NPC1: variants seen among roughly 807,000 people sequenced by gnomAD.
NPC1 encodes Niemann-Pick C1 protein.
NPC1 carries 85 observed loss-of-function variants against 140.4 expected under a neutral mutation model. The observed-to-expected ratio is 0.61, with a 90% CI of 0.51 to 0.72. The LOEUF (loss-of-function observed/expected upper bound fraction) is 0.72. Ranked by LOEUF, NPC1 falls within the 30% of genes least tolerant of loss-of-function variation. The pLI is 0.00. For missense variants in NPC1, 1,504 were observed against 1,623.8 expected (o/e 0.93, Z 1.27); for synonymous variants, 656 against 624.8 (o/e 1.05, Z -0.74).
At chr18:23,550,751 G>T (rs2058860534) in intron 10 of NPC1, among the ~76,000 whole-genome samples, 1 of 152,078 alleles carries the variant, frequency 6.6e-6, no homozygotes, top group East Asian at 1.9e-4. Context: ...CTCCGAAAGT[G>T]CTGGGATTAC....
intron 3 of NPC1, among the ~76,000 whole-genome samples, chr18:23,507,253 TTTAAA>T (rs1327068074): frequency 2.0e-5 from 3 of 152,186 alleles, no homozygotes; most frequent in East Asian, 1.9e-4. Flanking sequence ...TAGTTTGATT[TTTAAA>T]TTAAATTAAA....
At chr18:23,578,824 A>G (rs1159243222) in intron 1 of NPC1, among the ~76,000 whole-genome samples, 2 of 152,214 alleles carry the variant, frequency 1.3e-5, no homozygotes, top group East Asian at 1.9e-4. Context: ...CAGAGTTTCA[A>G]ATGAAAATCT....
At chr18:23,533,299 T>C (rs903150875) in intron 24 of NPC1, 56 bp downstream of exon 24, 5 of 1,500,250 alleles carry the variant, frequency 3.3e-6, no homozygotes, top group Admixed American at 1.7e-5. Flanking sequence ...CAGGATAGAA[T>C]TCCCTTTCAG....
At chr18:23,513,011 T>C (rs2057904124) in intron 3 of NPC1, among the ~76,000 whole-genome samples, 1 of 152,142 alleles carries the variant, frequency 6.6e-6, no homozygotes, top group Non-Finnish European at 1.5e-5. Context: ...TGGAGTGCAG[T>C]GGCGTGATCT....
At position 23,560,423 on chromosome 18, in the gene NPC1, G is replaced by A. The variant is rs1356837901; in HGVS notation, c.689C>T (p.Ser230Phe). The A allele has an allele frequency of 6.2e-7, 1 of 1,613,910 alleles. No homozygotes were observed. The highest frequency in any genetic ancestry group is 1.3e-5 in the African/African-American group (1 of 74,934). Residue 230 changes from serine to phenylalanine, a missense_variant, in exon 6 of 25, where the codon TCT becomes TTT. Transcript: ENST00000269228. ...ACATGGTGCTGTGACCTCATCCACAGACTCGTCACAGCCTTTGGTGGCATT... is the reference window on the plus strand; with the variant it reads ...ACATGGTGCTGTGACCTCATCCACAAACTCGTCACAGCCTTTGGTGGCATT... ...MNNATKGCDESVDEVTAPCSC... is the reference protein window; with the variant it reads ...MNNATKGCDEFVDEVTAPCSC...
chr18:23,537,633 T>C (rs2058651432), intron 20 of NPC1, among the ~76,000 whole-genome samples: 1 of 152,128 alleles, frequency 6.6e-6, no homozygotes, highest in Non-Finnish European at 1.5e-5. Flanking sequence ...GGCTGCGTGA[T>C]GAGAAATGGA....
At position 23,531,669 on chromosome 18, in the gene NPC1, G is replaced by GGA; in HGVS notation, c.*531_*532dup. On this transcript the variant is annotated 3_prime_UTR_variant, in exon 25 of 25. Transcript: ENST00000269228. ...TGTTGCTTTTTTCAAACAGATTTTT[G>GGA]GAGACCAAGCTCTAATGAGGCCTAC... The GGA allele has an allele frequency of 6.2e-7, 1 of 1,613,282 alleles. No homozygotes were observed. The highest frequency in any genetic ancestry group is 8.5e-7 in the Non-Finnish European group (1 of 1,179,866).
At position 23,535,585 on chromosome 18, in the gene NPC1, G is replaced by T. The variant is rs763005889; in HGVS notation, c.3361C>A (p.Leu1121Ile). 1.9e-6 allele frequency: 3 copies of T among 1,614,120 alleles called. No homozygotes were observed. The East Asian group carries it at 6.7e-5, about 36-fold the overall frequency. Residue 1121 changes from leucine to isoleucine, a missense_variant, in exon 22 of 25, where the codon CTC becomes ATC. By Grantham distance (5) the Leu-to-Ile change is conservative. Coordinates refer to ENST00000269228, the MANE Select transcript of NPC1 (RefSeq NM_000271.5). ...LVTMVLLGCE[L>I]WSAVIMCATI... Reference sequence around the variant, plus strand: ...GCACACATGATGACTGCAGACCAGAGCTCACAGCCCAGGAGGACCATGGTC... The same window carrying T: ...GCACACATGATGACTGCAGACCAGATCTCACAGCCCAGGAGGACCATGGTC...
intron 11 of NPC1, among the ~76,000 whole-genome samples, chr18:23,546,060 C>A (rs113968564): frequency 0.014 from 2,056 of 151,906 alleles, 31 homozygotes; most frequent in African/African-American, 0.048. Context: ...ACTAGCCTGG[C>A]CAACATGGTG....
In NPC1 at chr18:23,532,165, C is replaced by G. The variant is rs2058532399; in HGVS notation, c.*37G>C. ...CCGTCCAGTGGTAAACCGACCGACC[C>G]TTAGACACAGTTCAGTCAGGATGCC... On this transcript the variant is annotated 3_prime_UTR_variant, in exon 25 of 25. Coordinates refer to ENST00000269228, the MANE Select transcript of NPC1 (RefSeq NM_000271.5). The G allele has an allele frequency of 6.2e-7, 1 of 1,613,984 alleles. No homozygotes were observed. The highest frequency in any genetic ancestry group is 1.7e-5 in the Admixed American group (1 of 59,986).
chr18:23,508,030 C>T, intron 3 of NPC1: 1 of 1,610,704 alleles, frequency 6.2e-7, no homozygotes, highest in African/African-American at 1.3e-5. Context: ...GGAATACACA[C>T]AGGAGTGCAA....
At chr18:23,527,489 A>G (rs902072540), downstream of NPC1, among the ~76,000 whole-genome samples, 1 of 151,358 alleles carries the variant, frequency 6.6e-6, no homozygotes, top group Non-Finnish European at 1.5e-5. Context: ...CTTGTTGCCC[A>G]GGCTGGTCTC....
Position 23,543,454 on chromosome 18 carries a change from C to T in NPC1, c.2245+1G>A. ...ACTGGTAGGATTGAAAGCATAATTA[C>T]CTAAGAAAAATGCTACAGTCTCAGA... On this transcript the variant is annotated splice_donor_variant, in intron 14 of 24. Coordinates refer to ENST00000269228, the MANE Select transcript of NPC1 (RefSeq NM_000271.5). LOFTEE classifies it high-confidence loss of function. 1.3e-6 allele frequency: 2 copies of T among 1,566,988 alleles called. No homozygotes were observed. Among genetic ancestry groups the T allele is most frequent in the Middle Eastern group, 1.7e-4 (1 of 5,994 alleles).
At chr18:23,585,729 CTG>C (rs2059410225) in intron 1 of NPC1, among the ~76,000 whole-genome samples, 1 of 152,182 alleles carries the variant, frequency 6.6e-6, no homozygotes, top group African/African-American at 2.4e-5. Flanking sequence ...CAATACCGCC[CTG>C]TGAGTCTCAG....
intron 1 of NPC1, among the ~76,000 whole-genome samples, chr18:23,577,896 G>C (rs568666480): frequency 8.5e-5 from 13 of 152,232 alleles, no homozygotes; most frequent in Non-Finnish European, 1.9e-4. Context: ...CCATTGCCCG[G>C]GGCCAGCAGG....
intron 1 of NPC1, among the ~76,000 whole-genome samples, chr18:23,577,677 G>A (rs956653237): frequency 3.3e-5 from 5 of 152,214 alleles, no homozygotes; most frequent in Non-Finnish European, 7.3e-5. Flanking sequence ...CCGTGGAGCA[G>A]GGGGTGGCGC....
chr18:23,519,144 C>T (rs758649987), downstream of NPC1: 3 of 1,614,122 alleles, frequency 1.9e-6, no homozygotes, highest in South Asian at 3.3e-5. Context: ...TGGTGGACAA[C>T]CTGGTAGTCG....
At chr18:23,522,801 T>C (rs2058177835) in exon 2 of NPC1, 1 of 152,352 alleles carries the variant, frequency 6.6e-6, no homozygotes, top group South Asian at 2.1e-4. Flanking sequence ...GGTTAGTGAC[T>C]CTCCTTTTGT....
intron 4 of NPC1, among the ~76,000 whole-genome samples, chr18:23,566,570 C>T (rs1463289101): frequency 8.7e-6 from 1 of 114,864 alleles, no homozygotes; most frequent in African/African-American, 3.9e-5. Context: ...CACAGTGAGG[C>T]CCGTCTCTTC....
Sources: allele counts gnomAD v4.1 joint callset (sites outside exome capture counted in the v4.1 genomes callset), GRCh38; gene constraint gnomAD v4.1.1; transcripts MANE v1.5; gene names NCBI Gene and HGNC (gene_info 2026-07-23, HGNC 2026-07-21).